The following RRP12 variants were observed in gnomAD, a reference collection of about 807,000 sequenced individuals.
The protein encoded by RRP12 is RRP12-like protein.
A neutral mutation model predicts 157.3 loss-of-function variants in RRP12; 78 were observed. The ratio of observed to expected loss-of-function variants is 0.50; its 90% CI spans 0.41 to 0.60. RRP12 has a LOEUF of 0.60. RRP12 is among the 20% of genes least tolerant of loss of function. The probability of loss-of-function intolerance (pLI) is 0.00; values close to 1 mark genes in which losing one functional copy is unlikely to be tolerated. For missense variants in RRP12, 1,521 were observed against 1,679.9 expected (o/e 0.91, Z 1.65); for synonymous variants, 726 against 670.9 (o/e 1.08, Z -1.27).
chr10:97,356,700 A>G, downstream of RRP12: 2 of 174,578 alleles, frequency 1.1e-5, no homozygotes, highest in South Asian at 3.0e-4. Context: ...TAGAAAAAAA[A>G]TGCAGGATGA....
In RRP12 at chr10:97,372,850, C is replaced by T. The variant is rs553652813; in HGVS notation, c.2182-47G>A. ...GGAGAAGAGAGTCATTGGGGAGGAG[C>T]GAAAGAAAGCAGCAATGGCAGCAGT... On this transcript the variant is annotated intron_variant, in intron 18 of 33. Transcript: ENST00000370992. 314 of 1,530,692 alleles carry T rather than the reference C, an allele frequency of 2.1e-4. 4 individuals are homozygous for T. The South Asian group carries it at 3.4e-3, about 17-fold the overall frequency. The allele number at this position is 1,530,692 out of a possible 1,614,324, so 94.8% of individuals were successfully genotyped here. A position where few individuals can be genotyped will look rare whatever the true frequency, so the allele number is the denominator to read the frequency against.
chr10:97,393,356 A>G, intron 4 of RRP12: 1 of 491,708 alleles, frequency 2.0e-6, no homozygotes, highest in Admixed American at 2.3e-5. Context: ...GGACTATCAA[A>G]TAACAACTTT....
At chr10:97,372,955 C>T (rs993530097) in intron 18 of RRP12, 91 bp downstream of exon 18, 159 of 1,475,642 alleles carry the variant, frequency 1.1e-4, no homozygotes, top group Admixed American at 1.4e-4. Flanking sequence ...CAGAGACCCA[C>T]GTGAGCCCTG....
intron 30 of RRP12, 27 bp downstream of exon 30, chr10:97,363,827 A>C: frequency 1.2e-6 from 2 of 1,605,830 alleles, no homozygotes; most frequent in Non-Finnish European, 8.5e-7. Context: ...CTGAAGCCCT[A>C]GCCCCCCATC....
At chr10:97,367,202 G>A in intron 25 of RRP12, 70 bp from the exon 26 acceptor site, 1 of 1,318,608 alleles carries the variant, frequency 7.6e-7, no homozygotes, top group Non-Finnish European at 1.1e-6. Context: ...CTGCTGTCCA[G>A]CCCAGGGACG....
At chr10:97,372,826 G>T in intron 18 of RRP12, 23 bp from the exon 19 acceptor site, 1 of 1,554,146 alleles carries the variant, frequency 6.4e-7, no homozygotes, top group East Asian at 2.4e-5. Flanking sequence ...AGGGAATGAG[G>T]AGAAGAGAGT....
intron 6 of RRP12, among the ~76,000 whole-genome samples, chr10:97,389,294 T>C (rs981803890): frequency 1.3e-5 from 2 of 151,958 alleles, no homozygotes; most frequent in African/African-American, 2.4e-5. Flanking sequence ...GGGGTTTCAC[T>C]ATGTTAGCCA....
At chr10:97,363,822 G>T (rs769407737) in intron 30 of RRP12, 32 bp downstream of exon 30, 1 of 1,597,498 alleles carries the variant, frequency 6.3e-7, no homozygotes, top group South Asian at 1.1e-5. Flanking sequence ...TAGGTCTGAA[G>T]CCCTAGCCCC....
intron 29 of RRP12, among the ~76,000 whole-genome samples, chr10:97,365,039 A>C (rs570281363): frequency 7.1e-4 from 108 of 152,294 alleles, no homozygotes; most frequent in African/African-American, 2.5e-3. Context: ...ACACCGATTC[A>C]TCTTCATTCC....
At chr10:97,389,647 C>T (rs1358549529) in intron 6 of RRP12, among the ~76,000 whole-genome samples, 3 of 152,268 alleles carry the variant, frequency 2.0e-5, no homozygotes, top group African/African-American at 4.8e-5. Flanking sequence ...AGGAGGTGCG[C>T]CAGGCCTGTG....
intron 2 of RRP12, among the ~76,000 whole-genome samples, chr10:97,398,039 A>ATATATATT (rs1436494245): frequency 2.5e-4 from 14 of 56,034 alleles, no homozygotes; most frequent in Non-Finnish European, 3.2e-4. Context: ...ATATATACGT[A>ATATATATT]TTTTTTTTTT....
intron 15 of RRP12, among the ~76,000 whole-genome samples, chr10:97,374,654 C>T (rs572448590): frequency 2.6e-5 from 4 of 151,914 alleles, no homozygotes; most frequent in African/African-American, 9.7e-5. Flanking sequence ...CACCTGTAGT[C>T]CCAGCTACTC....
chr10:97,373,084 C>T lies in RRP12; in HGVS notation c.2143G>A (p.Glu715Lys), dbSNP rs144302192. 30 of 1,613,842 alleles carry T rather than the reference C, an allele frequency of 1.9e-5. No individual in the cohort carries two copies. Among genetic ancestry groups the T allele is most frequent in the Non-Finnish European group, 2.4e-5 (28 of 1,179,906 alleles). ...ATGGTGAGGTAAGTTCTGATGGTTT[C>T]CAGCACAGCCCGGCGAGGGGCTGGA... ...DTPAPRRAVL[E>K]TIRTYLTITD... is the part of the protein sequence containing the mutation. The change falls in exon 18 of 34, where the codon GAA (glutamate) becomes AAA (lysine). Residue 715 changes from glutamate (E) to lysine (K), a missense_variant. Transcript: ENST00000370992.
chr10:97,379,232 C>A, intron 15 of RRP12, 61 bp downstream of exon 15: 2 of 1,591,038 alleles, frequency 1.3e-6, no homozygotes, highest in South Asian at 2.2e-5. Flanking sequence ...CCAATCCCTT[C>A]TGTGGAGGTT....
rs772845485 is a variant in RRP12 at position 97,390,763 on chromosome 10, G to A, written c.612C>T (p.Ser204=). 1.7e-5 allele frequency: 28 copies of A among 1,612,772 alleles called. No individual in the cohort carries two copies. The highest frequency in any genetic ancestry group is 1.3e-4 in the African/African-American group (10 of 74,876). ...FMDIMSAQAS[S]GSTSVLRWVL... Reference sequence around the variant, plus strand: ...CCCATCGGAGGACAGAGGTGGAGCCGCTGCTGGCCTGAGCTGACATGATAT... The same window carrying A: ...CCCATCGGAGGACAGAGGTGGAGCCACTGCTGGCCTGAGCTGACATGATAT... Residue 204 remains serine (S), a synonymous_variant, in exon 5 of 34, where the codon AGC becomes AGT. Transcript: ENST00000370992.
intron 14 of RRP12, 95 bp downstream of exon 14, chr10:97,379,533 A>G: frequency 1.3e-6 from 2 of 1,590,970 alleles, no homozygotes; most frequent in Non-Finnish European, 1.7e-6. Flanking sequence ...TGAGCCCTGC[A>G]CTGACACAGA....
chr10:97,398,904 G>A (rs1037471833), intron 2 of RRP12, among the ~76,000 whole-genome samples: 2 of 152,080 alleles, frequency 1.3e-5, no homozygotes, highest in African/African-American at 4.8e-5. Flanking sequence ...TAAAAATAAT[G>A]CTGTAGTAAA....
In RRP12 at chr10:97,379,300, C is replaced by T. The variant is rs757791418; in HGVS notation, c.1791G>A (p.Lys597=). The change falls in exon 15 of 34, where the codon AAG becomes AAA. Residue 597 remains lysine, a synonymous_variant. Coordinates refer to ENST00000370992, the MANE Select transcript of RRP12 (RefSeq NM_015179.4). ...TYFLPLANTL[K]SKAMDLAQAG... is the part of the protein sequence containing the mutation. ...GGCAAGGGTCTCTCCTACCTTTGCT[C>T]TTCAGGGTGTTAGCCAGGGGCAAGA... 1 of 1,613,952 alleles carries T rather than the reference C, an allele frequency of 6.2e-7. No individual in the cohort carries two copies. The highest frequency in any genetic ancestry group is 8.5e-7 in the Non-Finnish European group (1 of 1,179,926).
intron 6 of RRP12, among the ~76,000 whole-genome samples, chr10:97,389,222 C>T (rs1057105029): frequency 1.3e-4 from 19 of 151,956 alleles, no homozygotes; most frequent in Admixed American, 2.6e-4. Flanking sequence ...GCCTCCCGAG[C>T]AGCTGGGACT....
Sources: gnomAD v4.1 joint callset for allele counts (sites outside exome capture counted in the v4.1 genomes callset) on GRCh38, gnomAD v4.1.1 for gene constraint, MANE v1.5 for transcripts, NCBI Gene and HGNC (gene_info 2026-07-23, HGNC 2026-07-21) for gene names.